Variants in SMC3 observed in about 807,000 individuals in gnomAD.
The protein encoded by SMC3 is structural maintenance of chromosomes 3, also known as structural maintenance of chromosomes protein 3.
Under a neutral mutation model 171.8 loss-of-function variants are expected in SMC3, and 20 were observed. The ratio of observed to expected loss-of-function variants is 0.12; its 90% CI spans 0.08 to 0.17. The LOEUF (loss-of-function observed/expected upper bound fraction) is 0.17. Among genes scored for constraint, SMC3 ranks in the 10% least tolerant of loss-of-function variants. SMC3 has a pLI of 1.00. For missense variants in SMC3, 543 were observed against 1,420.4 expected, an observed-to-expected ratio of 0.38 and a Z score of 9.93; for synonymous variants, 464 against 451.1, an observed-to-expected ratio of 1.03 and a Z score of -0.36.
At chr10:110,590,237 A>G (rs1433452621) in intron 15 of SMC3, among the ~76,000 whole-genome samples, 175 bp from the exon 16 acceptor site, 10 of 152,248 alleles carry the variant, frequency 6.6e-5, no homozygotes, top group Admixed American at 6.5e-5. Context: ...AGAGCCTATC[A>G]TATAAGGTGT....
chr10:110,581,158 A>T (rs2134723595), intron 8 of SMC3, 137 bp downstream of exon 8: 1 of 695,198 alleles, frequency 1.4e-6, no homozygotes, highest in Middle Eastern at 2.7e-4. Flanking sequence ...AAAAATTGAG[A>T]ATCCATAACA....
intron 20 of SMC3, 50 bp downstream of exon 20, chr10:110,598,340 A>G (rs767019053): frequency 9.8e-6 from 15 of 1,524,984 alleles, no homozygotes; most frequent in African/African-American, 5.5e-5. Context: ...GATTAATAAT[A>G]TGGAAATATG....
At chr10:110,598,430 A>T (rs1476503622) in intron 20 of SMC3, 140 bp downstream of exon 20, 6 of 872,886 alleles carry the variant, frequency 6.9e-6, no homozygotes, top group Non-Finnish European at 1.1e-5. Flanking sequence ...TTGAAGACAG[A>T]GTCTCTTTCT....
chr10:110,578,392 C>T (rs971489742), intron 6 of SMC3, among the ~76,000 whole-genome samples: 4 of 152,184 alleles, frequency 2.6e-5, no homozygotes, highest in African/African-American at 7.2e-5. Context: ...GATTTCCTTA[C>T]AAAAGAGTAA....
intron 7 of SMC3, 127 bp from the exon 8 acceptor site, chr10:110,580,777 C>T (rs1861018787): frequency 1.4e-6 from 1 of 717,966 alleles, no homozygotes; most frequent in South Asian, 1.5e-5. Context: ...TGTAACACTT[C>T]TGGTTTCTAA....
intron 3 of SMC3, 36 bp from the exon 4 acceptor site, chr10:110,575,300 T>C (rs778065698): frequency 1.3e-6 from 2 of 1,536,054 alleles, no homozygotes; most frequent in Non-Finnish European, 9.0e-7. Flanking sequence ...TAAACACTTT[T>C]TTAGGGTATA....
Position 110,579,443 on chromosome 10 carries a change from G to A in SMC3, c.429+737G>A, listed in dbSNP as rs149171841. On this transcript the variant is annotated intron_variant, in intron 7 of 28. Coordinates refer to ENST00000361804, the MANE Select transcript of SMC3 (RefSeq NM_005445.4). ...CTGATTTGAAAGAGCACTTTTCTGA[G>A]ATCCGTCTGCTGTCAATCTAGGCCC... 4.1e-4 allele frequency among the ~76,000 whole-genome samples: 62 copies of A among 152,250 alleles called. 1 individual carries two copies. Among genetic ancestry groups the A allele is most frequent in the African/African-American group, 1.5e-3 (61 of 41,546 alleles).
In SMC3 at chr10:110,600,573, T is replaced by TC. The variant is rs777730376; in HGVS notation, c.2535+27_2535+28insC. ...TGTGTATGTGTTTTTTTTTTTTTTT[T>TC]TAAGGGCTCCTTGGTGGCCATGACC... On this transcript the variant is annotated intron_variant, in intron 22 of 28. Coordinates refer to ENST00000361804, the MANE Select transcript of SMC3 (RefSeq NM_005445.4). 8 of 1,128,358 alleles carry TC rather than the reference T, an allele frequency of 7.1e-6. No homozygotes were observed. In the South Asian group the frequency reaches 9.9e-5, roughly 14 times the overall value. The allele number at this position is 1,128,358 out of a possible 1,614,324, so 69.9% of individuals were successfully genotyped here.
At chr10:110,581,773 T>C in intron 8 of SMC3, 150 bp from the exon 9 acceptor site, 1 of 808,446 alleles carries the variant, frequency 1.2e-6, no homozygotes, top group Non-Finnish European at 1.9e-6. Context: ...GGTTAATTGC[T>C]ATTTTAGTAT....
In SMC3 at chr10:110,590,589, G is replaced by T; in HGVS notation, c.1670+17G>T. 1 of 1,612,386 alleles carries T rather than the reference G, an allele frequency of 6.2e-7. No homozygotes were observed. Among genetic ancestry groups the T allele is most frequent in the Non-Finnish European group, 8.5e-7 (1 of 1,178,568 alleles). On this transcript the variant is annotated intron_variant, in intron 16 of 28. Transcript: ENST00000361804. ...TGGAAACAGGTTAAAGCTTTTGCTT[G>T]ATATTTAGCATTTTTAGAAGAGGGA... is the stretch of plus-strand genomic sequence containing the variant.
chr10:110,605,985 G>A lies in SMC3; in HGVS notation c.*1683G>A, dbSNP rs35141427. Among the ~76,000 whole-genome samples the A allele has an allele frequency of 4.7e-3, 720 of 152,232 alleles. 4 individuals carry two copies. Among genetic ancestry groups the A allele is most frequent in the Non-Finnish European group, 8.5e-3 (575 of 68,016 alleles). On this transcript the variant is annotated 3_prime_UTR_variant, in exon 29 of 29. Transcript: ENST00000361804. The stretch of plus-strand genomic sequence containing the variant: ...TATTGTTCTTAAGCATTTCCCCAAG[G>A]ATATTAGTATAATGAAATGCCAGTA...
At chr10:110,590,638 TGTA>T (rs1264534306) in intron 16 of SMC3, 66 bp downstream of exon 16, 2 of 1,363,690 alleles carry the variant, frequency 1.5e-6, no homozygotes, top group East Asian at 4.6e-5. Flanking sequence ...AAACAACTTT[TGTA>T]GTTTTTGTAC....
chr10:110,593,024 C>T (rs771785438), intron 17 of SMC3, 49 bp from the exon 18 acceptor site: 1 of 1,423,936 alleles, frequency 7.0e-7, no homozygotes. Flanking sequence ...ATTCTAAGTT[C>T]TTAGTTAACT....
intron 2 of SMC3, among the ~76,000 whole-genome samples, chr10:110,571,225 G>A (rs374601462): frequency 6.6e-6 from 1 of 152,188 alleles, no homozygotes; most frequent in African/African-American, 2.4e-5. Context: ...GTCTATACTT[G>A]TGATTAGTCC....
At position 110,583,921 on chromosome 10, in the gene SMC3, A is replaced by G. The variant is rs777087398; in HGVS notation, c.1050A>G (p.Lys350=). Residue 350 remains lysine, a synonymous_variant, in exon 12 of 29, where the codon AAA becomes AAG. Transcript: ENST00000361804. ...KQKELAETEP[K]FNSVKEKEER... is the part of the protein sequence containing the mutation. ...AAGAACTGGCAGAAACAGAACCCAA[A>G]TTCAACAGTGTGAAAGAGAAAGAAG... 1.4e-5 allele frequency: 22 copies of G among 1,613,996 alleles called. No individual in the cohort carries two copies. Among genetic ancestry groups the G allele is most frequent in the Non-Finnish European group, 1.7e-5 (20 of 1,179,938 alleles).
intron 13 of SMC3, among the ~76,000 whole-genome samples, chr10:110,588,159 T>G (rs961452011): frequency 6.6e-6 from 1 of 152,218 alleles, no homozygotes; most frequent in South Asian, 2.1e-4. Context: ...GCCTGGCTAA[T>G]TTTTGTATTT....
At chr10:110,594,885 C>T (rs981028875) in intron 18 of SMC3, among the ~76,000 whole-genome samples, 1 of 152,110 alleles carries the variant, frequency 6.6e-6, no homozygotes, top group African/African-American at 2.4e-5. Flanking sequence ...AGAAATTTAA[C>T]ATTAACCTAA....
intron 28 of SMC3, 41 bp downstream of exon 28, chr10:110,603,331 A>G: frequency 8.1e-7 from 1 of 1,236,836 alleles, no homozygotes; most frequent in South Asian, 1.3e-5. Flanking sequence ...GTATTTATTC[A>G]ATTATATTTG....
At position 110,582,895 on chromosome 10, in the gene SMC3, TG is replaced by T. The variant is rs879027474; in HGVS notation, c.804+256del. 7.9e-5 allele frequency among the ~76,000 whole-genome samples: 12 copies of T among 151,566 alleles called. No individual in the cohort carries two copies. The South Asian group carries it at 2.3e-3, about 29-fold the overall frequency. On this transcript the variant is annotated intron_variant, in intron 10 of 28. Coordinates refer to ENST00000361804, the MANE Select transcript of SMC3 (RefSeq NM_005445.4). ...GTTGCCCAGGCTGGTCACAAACTCC[TG>T]GGCTCAAGTGGTCCTTCTGCCTCAG...
Sources: gnomAD v4.1 joint callset for allele counts (sites outside exome capture counted in the v4.1 genomes callset) on GRCh38, gnomAD v4.1.1 for gene constraint, MANE v1.5 for transcripts, NCBI Gene and HGNC (gene_info 2026-07-23, HGNC 2026-07-21) for gene names.